The following DLG2 variants were observed in gnomAD, a reference collection of about 807,000 sequenced individuals.
The protein encoded by DLG2 is discs large MAGUK scaffold protein 2.
In DLG2, 45 loss-of-function variants were observed where a neutral mutation model predicts 132.5. The observed-to-expected ratio is 0.34, with a 90% confidence interval of 0.27 to 0.44. DLG2 has a LOEUF of 0.44. Among genes scored for constraint, DLG2 ranks in the 20% least tolerant of loss-of-function variants. The probability of loss-of-function intolerance (pLI) is 1.00; values close to 1 mark genes in which losing one functional copy is unlikely to be tolerated. For synonymous variants in DLG2, 424 were observed against 419.6 expected, an observed-to-expected ratio of 1.01 and a Z score of -0.13; for missense variants, 1,045 against 1,196.9, an observed-to-expected ratio of 0.87 and a Z score of 1.87.
At chr11:85,562,616 T>A (rs2077317110) in intron 3 of DLG2, among the ~76,000 whole-genome samples, 1 of 151,788 alleles carries the variant, frequency 6.6e-6, no homozygotes, top group Non-Finnish European at 1.5e-5. Context: ...ATGCTCACAG[T>A]CTAGTATTCT....
chr11:84,332,923 A>G (rs1050966828), intron 7 of DLG2, among the ~76,000 whole-genome samples: 2 of 152,146 alleles, frequency 1.3e-5, no homozygotes, highest in Admixed American at 1.3e-4. Flanking sequence ...AAGAGGGAGT[A>G]TTCAATAAGT....
chr11:85,005,061 C>A (rs970767159), intron 6 of DLG2, among the ~76,000 whole-genome samples: 2 of 151,996 alleles, frequency 1.3e-5, no homozygotes, highest in Admixed American at 6.6e-5. Flanking sequence ...ATTTCTGAGG[C>A]CTCTGTTCTG....
At chr11:84,160,047 A>T (rs965894531) in intron 9 of DLG2, among the ~76,000 whole-genome samples, 2 of 152,176 alleles carry the variant, frequency 1.3e-5, no homozygotes, top group Non-Finnish European at 2.9e-5. Flanking sequence ...CTTTCTTAAT[A>T]ATCAAGCAGC....
intron 10 of DLG2, among the ~76,000 whole-genome samples, chr11:84,084,537 C>T (rs748661572): frequency 2.0e-5 from 3 of 151,944 alleles, no homozygotes; most frequent in Non-Finnish European, 2.9e-5. Flanking sequence ...CTGGGTGGGC[C>T]TGGTGCTTAC....
intron 3 of DLG2, among the ~76,000 whole-genome samples, chr11:85,441,608 G>A (rs1274175748): frequency 6.6e-6 from 1 of 152,116 alleles, no homozygotes; most frequent in Non-Finnish European, 1.5e-5. Context: ...ACAACGGTGA[G>A]CAAGGTAGCC....
intron 7 of DLG2, among the ~76,000 whole-genome samples, chr11:84,504,541 G>A (rs1045741696): frequency 6.6e-6 from 1 of 152,130 alleles, no homozygotes; most frequent in Non-Finnish European, 1.5e-5. Flanking sequence ...ACCTGAGATT[G>A]TGCTGACCTA....
At chr11:83,618,316 A>T (rs1480906666) in intron 19 of DLG2, among the ~76,000 whole-genome samples, 1 of 152,088 alleles carries the variant, frequency 6.6e-6, no homozygotes, top group African/African-American at 2.4e-5. Flanking sequence ...CTAATATTTG[A>T]TATGTTTAAT....
intron 6 of DLG2, among the ~76,000 whole-genome samples, chr11:84,803,671 TTTTACA>T (rs1311267505): frequency 6.6e-6 from 1 of 152,186 alleles, no homozygotes; most frequent in Non-Finnish European, 1.5e-5. Context: ...TGCCTTTAGG[TTTTACA>T]TTTAAAGTTA....
At chr11:84,953,368 T>G (rs1740689271) in intron 6 of DLG2, among the ~76,000 whole-genome samples, 1 of 152,210 alleles carries the variant, frequency 6.6e-6, no homozygotes, top group African/African-American at 2.4e-5. Flanking sequence ...TTCTATTTTT[T>G]CATAGTAATT....
intron 4 of DLG2, among the ~76,000 whole-genome samples, chr11:85,169,929 C>A (rs2078722733): frequency 6.6e-6 from 1 of 151,938 alleles, no homozygotes; most frequent in African/African-American, 2.4e-5. Flanking sequence ...TTTTCTAAGC[C>A]CCAACATAAG....
chr11:83,471,582 A>T (rs779580119), intron 24 of DLG2, 44 bp downstream of exon 24: 3 of 1,408,608 alleles, frequency 2.1e-6, no homozygotes, highest in Non-Finnish European at 3.0e-6. Context: ...AAAGAAATCC[A>T]AGCTCTTTTT....
intron 7 of DLG2, among the ~76,000 whole-genome samples, chr11:84,350,252 A>G (rs1232510359): frequency 6.6e-6 from 1 of 151,674 alleles, no homozygotes; most frequent in Admixed American, 6.6e-5. Context: ...TTTTAACCTG[A>G]AGAGGTTAAC....
intron 3 of DLG2, among the ~76,000 whole-genome samples, chr11:85,521,597 G>A (rs1161642669): frequency 6.6e-6 from 1 of 152,114 alleles, no homozygotes; most frequent in Non-Finnish European, 1.5e-5. Flanking sequence ...TTGGAAGGCT[G>A]AGAACAAGAC....
intron 3 of DLG2, among the ~76,000 whole-genome samples, chr11:85,394,275 T>C (rs2152952248): frequency 6.6e-6 from 1 of 152,326 alleles, no homozygotes; most frequent in South Asian, 2.1e-4. Flanking sequence ...AATCAACACA[T>C]CATGTGGTAC....
At chr11:85,431,326 C>A (rs1009293104) in intron 3 of DLG2, among the ~76,000 whole-genome samples, 2 of 152,108 alleles carry the variant, frequency 1.3e-5, no homozygotes, top group African/African-American at 4.8e-5. Flanking sequence ...AGGGGAGCCC[C>A]CACCCCCAGC....
chr11:84,976,170 C>A (rs2054875405), intron 6 of DLG2, among the ~76,000 whole-genome samples: 2 of 152,092 alleles, frequency 1.3e-5, no homozygotes, highest in African/African-American at 4.8e-5. Flanking sequence ...TTTAAACTTG[C>A]TGAAGACTGG....
At chr11:83,824,014 AT>A (rs1565214178) in intron 17 of DLG2, among the ~76,000 whole-genome samples, 2 of 152,184 alleles carry the variant, frequency 1.3e-5, no homozygotes, top group Non-Finnish European at 2.9e-5. Flanking sequence ...AGTATTCCAA[AT>A]ACCACCATCA....
At position 84,711,245 on chromosome 11, in the gene DLG2, T is replaced by C. The variant is rs190904612; in HGVS notation, c.358-176514A>G. Among the ~76,000 whole-genome samples, 482 of 150,196 alleles carry C rather than the reference T, an allele frequency of 3.2e-3. 2 individuals are homozygous for C. The highest frequency in any genetic ancestry group is 0.011 in the African/African-American group (441 of 40,910). The stretch of plus-strand genomic sequence containing the variant: ...TTCTCTGTACCTTACTAGACAAGAA[T>C]GGCCAATTAGTGATGACAGAGCCAG... On this transcript the variant is annotated intron_variant, in intron 6 of 27. Transcript: ENST00000376104.
intron 19 of DLG2, among the ~76,000 whole-genome samples, chr11:83,551,425 T>C (rs887040396): frequency 6.6e-6 from 1 of 152,164 alleles, no homozygotes; most frequent in African/African-American, 2.4e-5. Context: ...GTTTTACTCA[T>C]GAGTATATGA....
Sources: allele counts gnomAD v4.1 joint callset (sites outside exome capture counted in the v4.1 genomes callset), GRCh38; gene constraint gnomAD v4.1.1; transcripts MANE v1.5; gene names NCBI Gene and HGNC (gene_info 2026-07-23, HGNC 2026-07-21).